The following TEX9 variants were observed in gnomAD, a reference collection of about 807,000 sequenced individuals.
The protein encoded by TEX9 is testis-expressed protein 9.
In TEX9, 74 loss-of-function variants were observed where a neutral mutation model predicts 59.6. That is an observed-to-expected ratio of 1.24 (90% CI 1.03 to 1.51). The LOEUF (loss-of-function observed/expected upper bound fraction) is 1.51. Ranked by LOEUF, TEX9 falls within the 40% of genes most tolerant of loss-of-function variation. The probability of loss-of-function intolerance (pLI) is 0.00; values close to 1 mark genes in which losing one functional copy is unlikely to be tolerated. For synonymous variants in TEX9, 186 were observed against 152.2 expected (o/e 1.22, Z -1.64); for missense variants, 522 against 447.8 (o/e 1.17, Z -1.49).
At chr15:56,442,580 C>G (rs906231153) in intron 12 of TEX9, among the ~76,000 whole-genome samples, 12 of 152,170 alleles carry the variant, frequency 7.9e-5, no homozygotes, top group African/African-American at 2.7e-4. Flanking sequence ...AAAATCATAT[C>G]CTTTGCGTCA....
At chr15:56,386,061 T>G (rs2047947716) in intron 4 of TEX9, among the ~76,000 whole-genome samples, 1 of 152,108 alleles carries the variant, frequency 6.6e-6, no homozygotes, top group Non-Finnish European at 1.5e-5. Context: ...ATTTATCAAT[T>G]GGTGGCTGGA....
At chr15:56,457,134 C>T in the TEX9 span, among the ~76,000 whole-genome samples, 4 of 152,156 alleles carry the variant, frequency 2.6e-5, no homozygotes, top group Admixed American at 2.6e-4. Flanking sequence ...ATCACCTCTA[C>T]ACACATTTTT....
At chr15:56,443,148 A>G (rs543322074) in intron 12 of TEX9, among the ~76,000 whole-genome samples, 1 of 152,280 alleles carries the variant, frequency 6.6e-6, no homozygotes, top group Non-Finnish European at 1.5e-5. Flanking sequence ...TATGTTACGT[A>G]TCTTTCACCA....
rs569111238 is a variant in TEX9 at position 56,390,709 on chromosome 15, G to GA, written c.396-528dup. 5.7e-4 allele frequency among the ~76,000 whole-genome samples: 87 copies of GA among 152,062 alleles called. No individual in the cohort carries two copies. In the East Asian group the frequency reaches 0.015, roughly 27 times the overall value. On this transcript the variant is annotated intron_variant, in intron 6 of 12. Coordinates refer to ENST00000352903, the Ensembl canonical transcript of TEX9. ...GGTTAAGAATGTGTTTCTTTGGGTG[G>GA]AAAAAATGTTGTTTGATTGAGCTAT... is the stretch of plus-strand genomic sequence containing the variant.
intron 1 of TEX9, among the ~76,000 whole-genome samples, chr15:56,290,724 G>C (rs914720443): frequency 4.0e-5 from 6 of 151,852 alleles, no homozygotes; most frequent in African/African-American, 1.5e-4. Flanking sequence ...CAAAGTGCTG[G>C]AATTACAGAC....
At chr15:56,267,308 C>A (rs1345052550) in intron 1 of TEX9, among the ~76,000 whole-genome samples, 1 of 152,174 alleles carries the variant, frequency 6.6e-6, no homozygotes, top group African/African-American at 2.4e-5. Flanking sequence ...GTTTCTTTTG[C>A]TGTGCAGAAG....
At chr15:56,343,127 T>C (rs1159050349) in intron 1 of TEX9, among the ~76,000 whole-genome samples, 7 of 152,166 alleles carry the variant, frequency 4.6e-5, no homozygotes, top group Non-Finnish European at 1.0e-4. Flanking sequence ...CTGATAGGTT[T>C]ATAAAAATAA....
At chr15:56,305,715 A>G (rs1298026382) in intron 1 of TEX9, among the ~76,000 whole-genome samples, 13 of 152,250 alleles carry the variant, frequency 8.5e-5, no homozygotes, top group African/African-American at 3.1e-4. Flanking sequence ...GGACTGGGCA[A>G]TGATTTCTTG....
intron 1 of TEX9, among the ~76,000 whole-genome samples, chr15:56,266,587 T>G (rs1328081021): frequency 2.0e-5 from 3 of 151,912 alleles, no homozygotes; most frequent in Non-Finnish European, 4.4e-5. Context: ...TTTGGTTTTC[T>G]GTCCTTGTGA....
chr15:56,401,420 ATCAAT>A (rs1431377477), intron 9 of TEX9, among the ~76,000 whole-genome samples: 2 of 151,980 alleles, frequency 1.3e-5, no homozygotes, highest in African/African-American at 4.8e-5. Flanking sequence ...TGGTAAAGGG[ATCAAT>A]TCAACAAGAA....
chr15:56,429,307 T>C (rs908497412), intron 12 of TEX9: 1 of 656,114 alleles, frequency 1.5e-6, no homozygotes, highest in Admixed American at 3.5e-5. Flanking sequence ...ATGAAATCTA[T>C]TCAACAGATT....
rs145523499 is a variant in TEX9 at position 56,341,570 on chromosome 15, A to G, written c.-106-31871A>G. Among the ~76,000 whole-genome samples, 478 of 152,234 alleles carry G rather than the reference A, an allele frequency of 3.1e-3. 2 individuals are homozygous for G. Among genetic ancestry groups the G allele is most frequent in the African/African-American group, 0.011 (458 of 41,546 alleles). ...CAGAAGCTGACACAGGGATTCAGGT[A>G]GAAGGGAATTGAGGGAGTGTACTTC... On this transcript the variant is annotated intron_variant, in intron 1 of 5. Transcript: ENST00000560827.
chr15:56,256,048 T>C (rs986324162), intron 1 of TEX9, among the ~76,000 whole-genome samples: 14 of 152,020 alleles, frequency 9.2e-5, no homozygotes, highest in Non-Finnish European at 1.9e-4. Flanking sequence ...GTTTATAAAC[T>C]TGGAAATAAA....
At chr15:56,376,494 C>T (rs893318418) in intron 3 of TEX9, among the ~76,000 whole-genome samples, 2 of 152,078 alleles carry the variant, frequency 1.3e-5, no homozygotes, top group Non-Finnish European at 2.9e-5. Context: ...ATTTGCATTT[C>T]TTTGATGATC....
chr15:56,332,667 A>G (rs1266153665), intron 1 of TEX9, among the ~76,000 whole-genome samples: 1 of 152,044 alleles, frequency 6.6e-6, no homozygotes, highest in Non-Finnish European at 1.5e-5. Flanking sequence ...CAATATAAGT[A>G]GAAGAAAAGA....
intron 9 of TEX9, among the ~76,000 whole-genome samples, chr15:56,401,722 A>T (rs1025300659): frequency 6.6e-6 from 1 of 152,154 alleles, no homozygotes; most frequent in Non-Finnish European, 1.5e-5. Flanking sequence ...ATTGACCACA[A>T]AATTGGAAGT....
intron 2 of TEX9, among the ~76,000 whole-genome samples, chr15:56,369,535 A>G (rs1414320870): frequency 2.6e-5 from 4 of 151,880 alleles, no homozygotes; most frequent in Admixed American, 6.6e-5. Flanking sequence ...GGGTTTCGTC[A>G]TGTTGCCCAG....
At chr15:56,249,742 CAAAAAAAAA>C (rs11440856) in intron 1 of TEX9, among the ~76,000 whole-genome samples, 1 of 25,454 alleles carries the variant, frequency 3.9e-5, no homozygotes, top group Non-Finnish European at 7.6e-5. Context: ...GGATCTGTCT[CAAAAAAAAA>C]AAAAAAAAAA....
chr15:56,427,704 CAGTT>C lies in TEX9; in HGVS notation c.1065_1068del (p.Leu356AsnfsTer2). 6.6e-7 allele frequency: 1 copy of C among 1,504,756 alleles called. No individual in the cohort carries two copies. The highest frequency in any genetic ancestry group is 8.9e-7 in the Non-Finnish European group (1 of 1,124,900). 93.2% of individuals were successfully genotyped at this position (1,504,756 alleles called of 1,614,324 possible). ...AGAATTAATGATAGGGTTCAAGAAACAGTTAAAATTAATTGATGTTTTAAAAAGG... is the reference window on the plus strand; with the variant it reads ...AGAATTAATGATAGGGTTCAAGAAACAAAATTAATTGATGTTTTAAAAAGG... On this transcript the variant is annotated frameshift_variant, in exon 11 of 13. Transcript: ENST00000352903. LOFTEE classifies it high-confidence loss of function.
Sources: allele counts gnomAD v4.1 joint callset (sites outside exome capture counted in the v4.1 genomes callset), GRCh38; gene constraint gnomAD v4.1.1; transcripts MANE v1.5; gene names NCBI Gene and HGNC (gene_info 2026-07-23, HGNC 2026-07-21).